Variants in CDH13 observed in about 807,000 individuals in gnomAD.
CDH13 encodes cadherin 13.
Under a neutral mutation model 63.8 loss-of-function variants are expected in CDH13, and 24 were observed. The observed-to-expected ratio is 0.38, with a 90% CI of 0.27 to 0.53. CDH13 has a LOEUF of 0.53. CDH13 is among the 20% of genes least tolerant of loss of function. The pLI is 0.85. For synonymous variants in CDH13, 503 were observed against 355.3 expected, an observed-to-expected ratio of 1.42 and a Z score of -4.67; for missense variants, 1,049 against 903.1, an observed-to-expected ratio of 1.16 and a Z score of -2.07.
chr16:83,482,429 G>A (rs2073792501), intron 6 of CDH13, among the ~76,000 whole-genome samples: 1 of 152,250 alleles, frequency 6.6e-6, no homozygotes, highest in Non-Finnish European at 1.5e-5. Context: ...GATGCTGTAA[G>A]CGTGCTTAAT....
At chr16:83,136,486 CA>C (rs542700844) in intron 4 of CDH13, among the ~76,000 whole-genome samples, 1,971 of 61,540 alleles carry the variant, frequency 0.032, 17 homozygotes, top group African/African-American at 0.081. Context: ...ACTCTGTCTC[CA>C]AAAAAAAAAA....
At chr16:83,298,790 C>G (rs1334608651) in intron 5 of CDH13, among the ~76,000 whole-genome samples, 1 of 152,152 alleles carries the variant, frequency 6.6e-6, no homozygotes, top group East Asian at 1.9e-4. Flanking sequence ...TGAGACTGTT[C>G]CAGCTCTGTG....
At chr16:83,418,016 C>G (rs2071605950) in intron 6 of CDH13, among the ~76,000 whole-genome samples, 1 of 152,058 alleles carries the variant, frequency 6.6e-6, no homozygotes, top group Admixed American at 6.6e-5. Context: ...TCTGTTGAAG[C>G]CCTTTGTCAA....
At chr16:83,656,943 C>T (rs1000288733) in intron 8 of CDH13, among the ~76,000 whole-genome samples, 2 of 152,214 alleles carry the variant, frequency 1.3e-5, no homozygotes, top group Non-Finnish European at 2.9e-5. Context: ...GGAATGCCAG[C>T]TCTTGGGCTC....
At chr16:83,121,627 A>G (rs8062226) in intron 3 of CDH13, among the ~76,000 whole-genome samples, 5,456 of 152,266 alleles carry the variant, frequency 0.036, 293 homozygotes, top group African/African-American at 0.12. Flanking sequence ...ACAAACCCAA[A>G]TGTAACTTTG....
intron 1 of CDH13, among the ~76,000 whole-genome samples, chr16:82,804,301 A>ATG: frequency 6.7e-6 from 1 of 148,478 alleles, no homozygotes; most frequent in African/African-American, 2.5e-5. Flanking sequence ...ACACACACAC[A>ATG]CACACACACA....
At chr16:82,986,923 G>A (rs7404645) in intron 2 of CDH13, among the ~76,000 whole-genome samples, 33,985 of 152,084 alleles carry the variant, frequency 0.22, 4,719 homozygotes, top group East Asian at 0.34. Flanking sequence ...GTTTGGGTGA[G>A]TTAAGTCTAT....
chr16:82,930,450 A>G (rs1478921763), intron 2 of CDH13, among the ~76,000 whole-genome samples: 1 of 126,836 alleles, frequency 7.9e-6, no homozygotes, highest in Non-Finnish European at 1.7e-5. Flanking sequence ...ACTATGGATT[A>G]TATGGGAATG....
intron 1 of CDH13, 49 bp downstream of exon 1, chr16:82,627,186 C>A (rs770971828): frequency 1.3e-6 from 2 of 1,517,102 alleles, no homozygotes; most frequent in African/African-American, 1.4e-5. Context: ...TTTCTGCATT[C>A]GGATCGCCCG....
intron 3 of CDH13, among the ~76,000 whole-genome samples, chr16:83,038,769 G>A (rs558855214): frequency 5.0e-4 from 76 of 152,272 alleles, no homozygotes; most frequent in Middle Eastern, 3.4e-3. Flanking sequence ...ATATAAATGG[G>A]ATTCAACAAC....
chr16:83,551,427 A>G (rs921149870), intron 7 of CDH13, among the ~76,000 whole-genome samples: 2 of 152,156 alleles, frequency 1.3e-5, no homozygotes, highest in South Asian at 2.1e-4. Context: ...GTCAAAGTCA[A>G]CAAGTGTTAT....
intron 6 of CDH13, among the ~76,000 whole-genome samples, chr16:83,452,051 C>T (rs777691909): frequency 6.6e-6 from 1 of 152,090 alleles, no homozygotes; most frequent in Non-Finnish European, 1.5e-5. Flanking sequence ...GCCTCATCTG[C>T]CCGGTCAGCC....
At chr16:83,747,438 A>G (rs918178502) in intron 10 of CDH13, among the ~76,000 whole-genome samples, 3 of 152,126 alleles carry the variant, frequency 2.0e-5, no homozygotes, top group Admixed American at 1.3e-4. Context: ...TTCCGCCATG[A>G]TTGCGAGGCC....
intron 6 of CDH13, among the ~76,000 whole-genome samples, chr16:83,461,246 A>G (rs1203107082): frequency 2.0e-5 from 3 of 152,132 alleles, no homozygotes; most frequent in African/African-American, 7.2e-5. Context: ...ATTCCTATTT[A>G]TATATAAAAT....
intron 3 of CDH13, among the ~76,000 whole-genome samples, chr16:83,059,347 A>T (rs2031282203): frequency 6.6e-6 from 1 of 152,120 alleles, no homozygotes; most frequent in Non-Finnish European, 1.5e-5. Flanking sequence ...TTCTGTTTAG[A>T]ACAAGTTCCT....
intron 1 of CDH13, among the ~76,000 whole-genome samples, chr16:82,647,195 C>G (rs535477553): frequency 1.3e-5 from 2 of 152,292 alleles, no homozygotes; most frequent in South Asian, 4.1e-4. Flanking sequence ...GCTGATATGA[C>G]TGGGATGGGG....
At chr16:83,687,908 A>G (rs1312699383) in intron 10 of CDH13, among the ~76,000 whole-genome samples, 1 of 152,222 alleles carries the variant, frequency 6.6e-6, no homozygotes, top group Non-Finnish European at 1.5e-5. Context: ...CATCTCTTTG[A>G]AAACTACAAC....
chr16:82,894,209 C>T, intron 2 of CDH13, among the ~76,000 whole-genome samples: 1 of 152,114 alleles, frequency 6.6e-6, no homozygotes, highest in Non-Finnish European at 1.5e-5. Flanking sequence ...CCTGTCTTGG[C>T]CTTCCAAAGA....
Position 83,581,040 on chromosome 16 carries a change from G to A in CDH13, c.961-21414G>A, listed in dbSNP as rs530339796. 1.3e-3 allele frequency among the ~76,000 whole-genome samples: 195 copies of A among 152,270 alleles called. 1 individual carries two copies. Among genetic ancestry groups the A allele is most frequent in the African/African-American group, 4.5e-3 (188 of 41,554 alleles). On this transcript the variant is annotated intron_variant, in intron 7 of 13. Coordinates refer to ENST00000567109, the MANE Select transcript of CDH13 (RefSeq NM_001257.5). ...CATTTATTCTGTTTATTTTTAAAATGCTTTTATGTTGTTAAAATCCTAGCC... is the reference window on the plus strand; with the variant it reads ...CATTTATTCTGTTTATTTTTAAAATACTTTTATGTTGTTAAAATCCTAGCC...
Sources: gnomAD v4.1 joint callset for allele counts (sites outside exome capture counted in the v4.1 genomes callset) on GRCh38, gnomAD v4.1.1 for gene constraint, MANE v1.5 for transcripts, NCBI Gene and HGNC (gene_info 2026-07-23, HGNC 2026-07-21) for gene names.